The following TOP1 variants were observed in gnomAD, a reference collection of about 807,000 sequenced individuals.
TOP1 encodes the protein DNA topoisomerase I.
A neutral mutation model predicts 111.1 loss-of-function variants in TOP1; 10 were observed. The observed-to-expected ratio is 0.09, with a 90% CI of 0.06 to 0.15. The LOEUF (loss-of-function observed/expected upper bound fraction) is 0.15. Ranked by LOEUF, TOP1 falls within the 10% of genes least tolerant of loss-of-function variation. The pLI is 1.00. For synonymous variants in TOP1, 271 were observed against 302.9 expected, an observed-to-expected ratio of 0.89 and a Z score of 1.10; for missense variants, 474 against 926.7, an observed-to-expected ratio of 0.51 and a Z score of 6.34.
At chr20:41,070,559 T>C (rs1286284154) in intron 3 of TOP1, among the ~76,000 whole-genome samples, 1 of 152,238 alleles carries the variant, frequency 6.6e-6, no homozygotes, top group Non-Finnish European at 1.5e-5. Flanking sequence ...ATATTTAATT[T>C]AACAAATATC....
At position 41,076,164 on chromosome 20, in the gene TOP1, T is replaced by C. The variant is rs2033725116; in HGVS notation, c.156-7T>C. The C allele has an allele frequency of 6.2e-7, 1 of 1,606,176 alleles. No homozygotes were observed. The highest frequency in any genetic ancestry group is 1.7e-5 in the Admixed American group (1 of 58,550). On this transcript the variant is annotated splice_polypyrimidine_tract_variant and splice_region_variant and intron_variant, in intron 3 of 20. Transcript: ENST00000361337. ...GGGCTAACGCTTTGTGACTTAACTT[T>C]TTACAGTGAACATAAAGATTCTGAA... is the stretch of plus-strand genomic sequence containing the variant.
intron 8 of TOP1, among the ~76,000 whole-genome samples, chr20:41,085,164 C>T (rs1000483877): frequency 3.4e-5 from 5 of 146,528 alleles, no homozygotes; most frequent in Admixed American, 2.0e-4. Flanking sequence ...TCTTTTAAAA[C>T]AAATATGAAA....
intron 4 of TOP1, among the ~76,000 whole-genome samples, 188 bp from the exon 5 acceptor site, chr20:41,077,394 C>A (rs2033740848): frequency 6.6e-6 from 1 of 152,150 alleles, no homozygotes; most frequent in Non-Finnish European, 1.5e-5. Flanking sequence ...ACAGTTTCAC[C>A]CAGAAGAATT....
At chr20:41,108,561 A>G (rs1356911059) in intron 13 of TOP1, among the ~76,000 whole-genome samples, 1 of 152,188 alleles carries the variant, frequency 6.6e-6, no homozygotes, top group Non-Finnish European at 1.5e-5. Context: ...TGCTCTAGGT[A>G]CTGAAAAGGT....
At chr20:41,111,352 T>C (rs1171542034) in intron 13 of TOP1, among the ~76,000 whole-genome samples, 1 of 152,212 alleles carries the variant, frequency 6.6e-6, no homozygotes, top group African/African-American at 2.4e-5. Context: ...TTAGGTATTT[T>C]TTCTGTGTCA....
Position 41,029,025 on chromosome 20 carries a change from C to A in TOP1, c.-43C>A, listed in dbSNP as rs753416722. ...GCCGGTTCGCCGTCTGCGTCTCCCC[C>A]ACGCCGCCTCGCCTGCCGCCGCGCT... On this transcript the variant is annotated 5_prime_UTR_variant, in exon 1 of 21. Coordinates refer to ENST00000361337, the MANE Select transcript of TOP1 (RefSeq NM_003286.4). This position sits in a 1 kb window ranked among gnomAD's most constrained non-coding sequence, Gnocchi z 6.1. The A allele has an allele frequency of 1.3e-6, 2 of 1,533,416 alleles. No homozygotes were observed. The highest frequency in any genetic ancestry group is 1.7e-6 in the Non-Finnish European group (2 of 1,142,966). The allele number at this position is 1,533,416 out of a possible 1,614,324, so 95.0% of individuals were successfully genotyped here. A position where few individuals can be genotyped will look rare whatever the true frequency, so the allele number is the denominator to read the frequency against.
intron 8 of TOP1, among the ~76,000 whole-genome samples, chr20:41,088,461 C>T (rs1050673402): frequency 4.6e-5 from 7 of 152,086 alleles, no homozygotes; most frequent in Non-Finnish European, 1.0e-4. Context: ...GGAGATCACG[C>T]GACTGCACTC....
chr20:41,042,948 G>C lies in TOP1; in HGVS notation c.58+13493G>C, dbSNP rs74857041. ...TAAAAGCCTTCATCCTCATTGTCTT[G>C]TTGAGTAGGCTGAGGGGGAAGAGGA... On this transcript the variant is annotated intron_variant, in intron 2 of 20. Transcript: ENST00000361337. Among the ~76,000 whole-genome samples the C allele has an allele frequency of 8.0e-3, 1,218 of 152,320 alleles. 14 individuals are homozygous for C. The highest frequency in any genetic ancestry group is 0.028 in the African/African-American group (1,153 of 41,560).
chr20:41,074,937 G>A (rs2033708460), intron 3 of TOP1, among the ~76,000 whole-genome samples: 1 of 152,168 alleles, frequency 6.6e-6, no homozygotes, highest in Admixed American at 6.5e-5. Flanking sequence ...TTGACCACAT[G>A]CATGTTTTTA....
chr20:41,031,043 G>A (rs1216976801), intron 2 of TOP1, among the ~76,000 whole-genome samples: 1 of 152,214 alleles, frequency 6.6e-6, no homozygotes. Flanking sequence ...TTGAAGTATA[G>A]GGGAGTTAAT....
At position 41,101,190 on chromosome 20, in the gene TOP1, C is replaced by G; in HGVS notation, c.1164-19C>G. 6.2e-7 allele frequency: 1 copy of G among 1,613,270 alleles called. No homozygotes were observed. The highest frequency in any genetic ancestry group is 8.5e-7 in the Non-Finnish European group (1 of 1,179,286). ...TCCTCACATCTTATTTCACTATCCTCGTGCTCTGTTATTTCCAGAGATGCC... is the reference window on the plus strand; with the variant it reads ...TCCTCACATCTTATTTCACTATCCTGGTGCTCTGTTATTTCCAGAGATGCC... On this transcript the variant is annotated intron_variant, in intron 12 of 20. Transcript: ENST00000361337. The surrounding 1 kb of genome is among the most constrained non-coding windows in gnomAD (Gnocchi z 4.1).
chr20:41,106,737 G>A lies in TOP1; in HGVS notation c.1308+5384G>A, dbSNP rs1170016290. On this transcript the variant is annotated intron_variant, in intron 13 of 20. Coordinates refer to ENST00000361337, the MANE Select transcript of TOP1 (RefSeq NM_003286.4). The surrounding 1 kb of genome is among the most constrained non-coding windows in gnomAD (Gnocchi z 4.3). ...CTTATAATTTTGGGGTGTTGGTCTT[G>A]TATCTGGCAGCAGATACAAGAGGTG... 1.3e-5 allele frequency among the ~76,000 whole-genome samples: 2 copies of A among 152,008 alleles called. No individual in the cohort carries two copies. The highest frequency in any genetic ancestry group is 4.8e-5 in the African/African-American group (2 of 41,398).
At chr20:41,104,718 A>C (rs1389833460) in intron 13 of TOP1, among the ~76,000 whole-genome samples, 2 of 152,150 alleles carry the variant, frequency 1.3e-5, no homozygotes, top group Admixed American at 6.5e-5. Flanking sequence ...TCCCAATAGG[A>C]GTCATTAAAG....
intron 2 of TOP1, among the ~76,000 whole-genome samples, chr20:41,038,915 G>C (rs1308710162): frequency 1.3e-5 from 2 of 151,996 alleles, no homozygotes; most frequent in African/African-American, 4.8e-5. Flanking sequence ...TTAAGCCCCG[G>C]GAGGTGGAGG....
At chr20:41,104,992 A>G (rs1390314083) in intron 13 of TOP1, among the ~76,000 whole-genome samples, 1 of 152,204 alleles carries the variant, frequency 6.6e-6, no homozygotes, top group Non-Finnish European at 1.5e-5. Context: ...TATGTAATGA[A>G]CACTCGTATG....
chr20:41,094,735 G>T lies in TOP1; in HGVS notation c.730+2148G>T, dbSNP rs182392711. 6.6e-6 allele frequency among the ~76,000 whole-genome samples: 1 copy of T among 152,290 alleles called. No individual in the cohort carries two copies. Among genetic ancestry groups the T allele is most frequent in the East Asian group, 1.9e-4 (1 of 5,178 alleles). On this transcript the variant is annotated intron_variant, in intron 9 of 20. Transcript: ENST00000361337. This position sits in a 1 kb window ranked among gnomAD's most constrained non-coding sequence, Gnocchi z 4.4. ...TAAGTGCTGCCTACTCTCTGGGGAG[G>T]AGAATTCTTAGACTCCTTTAGAACT...
rs1390908570 is a variant in TOP1, at chr20:41,106,869, G to T, written c.1308+5516G>T. 6.6e-6 allele frequency among the ~76,000 whole-genome samples: 1 copy of T among 151,994 alleles called. No homozygotes were observed. Among genetic ancestry groups the T allele is most frequent in the African/African-American group, 2.4e-5 (1 of 41,418 alleles). On this transcript the variant is annotated intron_variant, in intron 13 of 20. Transcript: ENST00000361337. The surrounding 1 kb of genome is among the most constrained non-coding windows in gnomAD (Gnocchi z 4.3). ...CTATAAAAACAGTTCTTCATTTTCAGTTCATATATTTCATATTTCTTTAAG... is the reference window on the plus strand; with the variant it reads ...CTATAAAAACAGTTCTTCATTTTCATTTCATATATTTCATATTTCTTTAAG...
At position 41,034,510 on chromosome 20, in the gene TOP1, G is replaced by T. The variant is rs1230240620; in HGVS notation, c.58+5055G>T. Among the ~76,000 whole-genome samples, 1 of 152,240 alleles carries T rather than the reference G, an allele frequency of 6.6e-6. No homozygotes were observed. The highest frequency in any genetic ancestry group is 2.4e-5 in the African/African-American group (1 of 41,450). Reference sequence around the variant, plus strand: ...GTGGAGAGGGATGTAAATGAGGGCAGGGTGGACAAAGTTTGATTGGGGGTT... The same window carrying T: ...GTGGAGAGGGATGTAAATGAGGGCATGGTGGACAAAGTTTGATTGGGGGTT... On this transcript the variant is annotated intron_variant, in intron 2 of 20. Coordinates refer to ENST00000361337, the MANE Select transcript of TOP1 (RefSeq NM_003286.4). This position sits in a 1 kb window ranked among gnomAD's most constrained non-coding sequence, Gnocchi z 4.0.
chr20:41,097,145 AT>A lies in TOP1; in HGVS notation c.731-73del. 6.5e-7 allele frequency: 1 copy of A among 1,532,142 alleles called. No homozygotes were observed. The highest frequency in any genetic ancestry group is 8.8e-7 in the Non-Finnish European group (1 of 1,134,680). 94.9% of individuals were successfully genotyped at this position (1,532,142 alleles called of 1,614,324 possible). Reference sequence around the variant, plus strand: ...AGAAGGCAAACCATTATTAAAGAGAATTCGCTAGCCCTGGGTATTTATGCTT... The same window carrying A: ...AGAAGGCAAACCATTATTAAAGAGAATCGCTAGCCCTGGGTATTTATGCTT... On this transcript the variant is annotated intron_variant, in intron 9 of 20. Transcript: ENST00000361337. This position sits in a 1 kb window ranked among gnomAD's most constrained non-coding sequence, Gnocchi z 4.2.
Sources: allele counts gnomAD v4.1 joint callset (sites outside exome capture counted in the v4.1 genomes callset), GRCh38; gene constraint gnomAD v4.1.1; non-coding constraint Gnocchi (gnomAD v3.1); transcripts MANE v1.5; gene names NCBI Gene and HGNC (gene_info 2026-07-23, HGNC 2026-07-21).